The following LSAMP variants were observed in gnomAD, a reference collection of about 807,000 sequenced individuals.
The protein encoded by LSAMP is limbic system-associated membrane protein.
A neutral mutation model predicts 38.6 loss-of-function variants in LSAMP; 7 were observed. That is an observed-to-expected ratio of 0.18 (90% CI 0.10 to 0.34). LSAMP has a LOEUF of 0.34. LSAMP is among the 10% of genes least tolerant of loss of function. LSAMP has a pLI of 1.00. For synonymous variants in LSAMP, 154 were observed against 166.8 expected, an observed-to-expected ratio of 0.92 and a Z score of 0.59; for missense variants, 313 against 420.0, an observed-to-expected ratio of 0.75 and a Z score of 2.23.
intron 1 of LSAMP, among the ~76,000 whole-genome samples, chr3:116,178,543 A>G (rs757903852): frequency 1.3e-5 from 2 of 152,200 alleles, no homozygotes; most frequent in Non-Finnish European, 2.9e-5. Context: ...CTAAACCAGC[A>G]ACATACAGAG....
At chr3:115,895,007 A>G (rs1936693213) in intron 3 of LSAMP, among the ~76,000 whole-genome samples, 1 of 152,116 alleles carries the variant, frequency 6.6e-6, no homozygotes, top group South Asian at 2.1e-4. Flanking sequence ...AAAGGAAGAA[A>G]AATTAAGGGT....
intron 2 of LSAMP, among the ~76,000 whole-genome samples, chr3:116,042,431 C>CTTTT (rs1013336834): frequency 8.2e-5 from 11 of 134,884 alleles, no homozygotes; most frequent in Admixed American, 5.9e-4. Context: ...AAGAGCATTT[C>CTTTT]TTTTTTTTTT....
intron 1 of LSAMP, among the ~76,000 whole-genome samples, chr3:116,133,360 A>T (rs989751117): frequency 6.6e-6 from 1 of 151,914 alleles, no homozygotes. Flanking sequence ...GCGTGATCAC[A>T]GCTCACTGCA....
chr3:116,157,361 T>G (rs1191314922), intron 1 of LSAMP, among the ~76,000 whole-genome samples: 1 of 152,110 alleles, frequency 6.6e-6, no homozygotes, highest in Non-Finnish European at 1.5e-5. Flanking sequence ...AGTGGAAATG[T>G]TAGTTTCCTC....
intron 1 of LSAMP, among the ~76,000 whole-genome samples, chr3:116,163,866 TAAAAA>T (rs549315827): frequency 6.6e-6 from 1 of 151,912 alleles, no homozygotes; most frequent in South Asian, 2.1e-4. Flanking sequence ...GATTTTTCCT[TAAAAA>T]AACACAAAAA....
At chr3:116,076,548 C>T (rs1707748291) in intron 2 of LSAMP, among the ~76,000 whole-genome samples, 1 of 152,202 alleles carries the variant, frequency 6.6e-6, no homozygotes. Flanking sequence ...TGAGCCACCA[C>T]ACCCGGCCAA....
chr3:116,445,133 GC>G lies in LSAMP; in HGVS notation c.-103del. The G allele has an allele frequency of 8.1e-7, 1 of 1,232,180 alleles. No individual in the cohort carries two copies. The highest frequency in any genetic ancestry group is 1.5e-5 in the South Asian group (1 of 67,752). The allele number at this position is 1,232,180 out of a possible 1,614,324, so 76.3% of individuals were successfully genotyped here. A position where few individuals can be genotyped will look rare whatever the true frequency, so the allele number is the denominator to read the frequency against. ...CACGGGGCTTTCATCCACAGCGAGC[GC>G]AGAGCGGGCTTTGCCAGTTTATGGT... is the stretch of plus-strand genomic sequence containing the variant. On this transcript the variant is annotated 5_prime_UTR_variant, in exon 1 of 7. Coordinates refer to ENST00000490035, the MANE Select transcript of LSAMP (RefSeq NM_002338.5).
chr3:116,248,610 C>T (rs144450082), intron 1 of LSAMP, among the ~76,000 whole-genome samples: 15 of 151,762 alleles, frequency 9.9e-5, no homozygotes, highest in East Asian at 1.9e-4. Context: ...CTGTCAAAAA[C>T]GCAGGGAAAG....
chr3:116,288,080 T>C (rs2047216420), intron 1 of LSAMP, among the ~76,000 whole-genome samples: 1 of 152,210 alleles, frequency 6.6e-6, no homozygotes, highest in South Asian at 2.1e-4. Context: ...ATGTTTCTTT[T>C]CTTTGTTTTA....
intron 1 of LSAMP, among the ~76,000 whole-genome samples, chr3:116,357,916 A>T (rs1038626402): frequency 4.4e-5 from 5 of 113,134 alleles, no homozygotes; most frequent in South Asian, 4.8e-4. Flanking sequence ...ACACAGAATT[A>T]AAAAAAAAAA....
chr3:115,867,854 G>A (rs1935906255), intron 3 of LSAMP, among the ~76,000 whole-genome samples: 2 of 152,074 alleles, frequency 1.3e-5, no homozygotes, highest in Admixed American at 1.3e-4. Context: ...TGCTCTCCTG[G>A]CACTCTACAT....
At chr3:116,260,082 A>G (rs973010190) in intron 1 of LSAMP, among the ~76,000 whole-genome samples, 12 of 152,088 alleles carry the variant, frequency 7.9e-5, no homozygotes, top group African/African-American at 2.9e-4. Context: ...TGCCTCACAT[A>G]TAGGGCTAAA....
intron 5 of LSAMP, 47 bp from the exon 6 acceptor site, chr3:115,842,040 T>G: frequency 6.4e-7 from 1 of 1,558,462 alleles, no homozygotes; most frequent in South Asian, 1.2e-5. Context: ...TGGTGAAGAT[T>G]TTAGCTTAGG....
intron 3 of LSAMP, among the ~76,000 whole-genome samples, chr3:115,916,825 C>G (rs1937262001): frequency 6.6e-6 from 1 of 152,176 alleles, no homozygotes; most frequent in Non-Finnish European, 1.5e-5. Context: ...ATCTCTCTAT[C>G]TCTGTCACCC....
chr3:115,954,207 T>C (rs972323025), intron 3 of LSAMP, among the ~76,000 whole-genome samples: 1 of 152,192 alleles, frequency 6.6e-6, no homozygotes, highest in African/African-American at 2.4e-5. Flanking sequence ...TCTGCAACTT[T>C]CCCTCATTCA....
chr3:116,332,786 A>G (rs922339788), intron 1 of LSAMP, among the ~76,000 whole-genome samples: 1 of 152,138 alleles, frequency 6.6e-6, no homozygotes, highest in Non-Finnish European at 1.5e-5. Context: ...GTTGAAAGTG[A>G]AAGAATAGAA....
chr3:116,115,599 T>G (rs1708722651), intron 1 of LSAMP, among the ~76,000 whole-genome samples: 1 of 152,170 alleles, frequency 6.6e-6, no homozygotes, highest in African/African-American at 2.4e-5. Flanking sequence ...CTCCAGTGAC[T>G]TCTTAAGATT....
intron 1 of LSAMP, among the ~76,000 whole-genome samples, chr3:116,230,115 G>A (rs2046386974): frequency 6.6e-6 from 1 of 152,092 alleles, no homozygotes; most frequent in Admixed American, 6.5e-5. Flanking sequence ...AAAGTGGCAG[G>A]AATATTTCCT....
chr3:115,811,029 C>T (rs1051394908), intron 6 of LSAMP, among the ~76,000 whole-genome samples: 19 of 152,300 alleles, frequency 1.2e-4, no homozygotes, highest in African/African-American at 4.1e-4. Flanking sequence ...GGATCAACTC[C>T]TCCAAACTCT....
Sources: allele counts gnomAD v4.1 joint callset (sites outside exome capture counted in the v4.1 genomes callset), GRCh38; gene constraint gnomAD v4.1.1; transcripts MANE v1.5; gene names NCBI Gene and HGNC (gene_info 2026-07-23, HGNC 2026-07-21).